C1QTNF2: variants seen among roughly 807,000 people sequenced by gnomAD.
The protein encoded by C1QTNF2 is C1q and TNF related 2.
Under a neutral mutation model 17.4 loss-of-function variants are expected in C1QTNF2, and 15 were observed. That is an observed-to-expected ratio of 0.86 (90% CI 0.58 to 1.33). The LOEUF is 1.33. Ranked by LOEUF, C1QTNF2 falls within the 40% of genes most tolerant of loss-of-function variation. The pLI, the probability that C1QTNF2 is intolerant of heterozygous loss-of-function variation, is 0.00. For synonymous variants in C1QTNF2, 154 were observed against 163.3 expected (o/e 0.94, Z 0.44); for missense variants, 381 against 392.3 (o/e 0.97, Z 0.24).
Position 160,357,769 on chromosome 5 carries a change from G to A in C1QTNF2, c.-9-2749C>T, listed in dbSNP as rs1303577569. Among the ~76,000 whole-genome samples, 6 of 151,818 alleles carry A rather than the reference G, an allele frequency of 4.0e-5. No homozygotes were observed. The East Asian group carries it at 9.7e-4, about 24-fold the overall frequency. ...AGGCAGAAAAGAGAGCCAGCCGGAC[G>A]AGAGAGAGGGAGAGAGACTGGCAGA... On this transcript the variant is annotated intron_variant, in intron 1 of 2. Transcript: ENST00000652664.
intron 2 of C1QTNF2, among the ~76,000 whole-genome samples, chr5:160,350,450 T>C (rs1321073281): frequency 6.6e-6 from 1 of 152,134 alleles, no homozygotes. Context: ...GCGTCTATAA[T>C]CCCAGCACTT....
chr5:160,359,085 G>C (rs761738484), intron 1 of C1QTNF2, among the ~76,000 whole-genome samples: 1 of 152,014 alleles, frequency 6.6e-6, no homozygotes, highest in Non-Finnish European at 1.5e-5. Flanking sequence ...CTGCTGCATT[G>C]TTTTATACAA....
At chr5:160,369,342 C>T (rs900988012) in intron 1 of C1QTNF2, among the ~76,000 whole-genome samples, 1 of 152,140 alleles carries the variant, frequency 6.6e-6, no homozygotes, top group Non-Finnish European at 1.5e-5. Context: ...AGAAGTCAGA[C>T]ATTTGGGAGG....
At chr5:160,353,793 T>TC in intron 2 of C1QTNF2, among the ~76,000 whole-genome samples, 1 of 36,022 alleles carries the variant, frequency 2.8e-5, no homozygotes, top group East Asian at 6.3e-4. Flanking sequence ...TCAGGCTTTT[T>TC]TTTTTTTTTT....
rs552818391 is a variant in C1QTNF2 at position 160,365,586 on chromosome 5, T to C, written c.-10+4926A>G. Among the ~76,000 whole-genome samples the C allele has an allele frequency of 4.1e-4, 63 of 152,008 alleles. 1 individual carries two copies. The South Asian group carries it at 0.013, about 32-fold the overall frequency. On this transcript the variant is annotated intron_variant, in intron 1 of 2. Transcript: ENST00000652664. ...TCCCCCCACCTCACCCCGCCATCTC[T>C]ACAAAGAAAAAAAAATCAGATACAG...
In C1QTNF2 at chr5:160,349,825, C is replaced by G. The variant is rs1430240522; in HGVS notation, c.245-44G>C. 6.6e-7 allele frequency: 1 copy of G among 1,505,072 alleles called. No homozygotes were observed. The highest frequency in any genetic ancestry group is 1.3e-5 in the South Asian group (1 of 74,902). 93.2% of individuals were successfully genotyped at this position (1,505,072 alleles called of 1,614,324 possible). ...GGTGTTATGGAGGGTCCTCACAGAC[C>G]TAGGCAGAGGGGTGCGGTGCGGCTT... On this transcript the variant is annotated intron_variant, in intron 2 of 2. Transcript: ENST00000652664. The surrounding 1 kb of genome is among the most constrained non-coding windows in gnomAD (Gnocchi z 4.3).
intron 1 of C1QTNF2, among the ~76,000 whole-genome samples, chr5:160,355,637 T>C (rs1401568841): frequency 6.6e-6 from 1 of 152,174 alleles, no homozygotes; most frequent in Non-Finnish European, 1.5e-5. Flanking sequence ...CACAATACCC[T>C]TATAGAATAG....
Position 160,354,972 on chromosome 5 carries a change from C to T in C1QTNF2, c.40G>A (p.Ala14Thr), listed in dbSNP as rs1764019551. ...AAGGCGCCAAGCAGTGGGTCAGCAGCACAGGGGAGGGCACAGGCCAGGAGC... is the reference window on the plus strand; with the variant it reads ...AAGGCGCCAAGCAGTGGGTCAGCAGTACAGGGGAGGGCACAGGCCAGGAGC... ...WVLLACALPC[A>T]ADPLLGAFAR... Residue 14 changes from alanine (A) to threonine (T), a missense_variant, in exon 2 of 3, where the codon GCT (alanine) becomes ACT (threonine). Ala to Thr is a moderately conservative substitution (Grantham distance 58). Transcript: ENST00000652664. 2.5e-6 allele frequency: 4 copies of T among 1,591,352 alleles called. No homozygotes were observed. The South Asian group carries it at 4.6e-5, about 18-fold the overall frequency.
chr5:160,367,693 C>T (rs891331185), intron 1 of C1QTNF2, among the ~76,000 whole-genome samples: 1 of 152,140 alleles, frequency 6.6e-6, no homozygotes, highest in Non-Finnish European at 1.5e-5. Flanking sequence ...TTGCAGCTCC[C>T]CAGTCTGTGG....
intron 2 of C1QTNF2, among the ~76,000 whole-genome samples, 171 bp downstream of exon 2, chr5:160,354,597 A>AAAAT (rs769774870): frequency 2.2e-5 from 2 of 89,306 alleles, no homozygotes; most frequent in African/African-American, 9.7e-5. Flanking sequence ...AAAAAAAAAA[A>AAAAT]GTATATATAT....
intron 1 of C1QTNF2, among the ~76,000 whole-genome samples, chr5:160,363,298 C>A (rs763119408): frequency 3.9e-5 from 6 of 152,208 alleles, no homozygotes; most frequent in Admixed American, 6.5e-5. Context: ...GGCTGGCTGC[C>A]GCTCCTCACA....
At position 160,354,903 on chromosome 5, in the gene C1QTNF2, T is replaced by G. The variant is rs537737894; in HGVS notation, c.109A>C (p.Ser37Arg). ...FRKGSPQLVC[S>R]LPGPQGPPGP... ...GGTGGGCCCTGGGGGCCAGGCAGGCTGCAGACCAGTTGAGGGGAGCCTTTC... is the reference window on the plus strand; with the variant it reads ...GGTGGGCCCTGGGGGCCAGGCAGGCGGCAGACCAGTTGAGGGGAGCCTTTC... The change falls in exon 2 of 3, where the codon AGC becomes CGC. Residue 37 changes from serine to arginine, a missense_variant. Coordinates refer to ENST00000652664, the MANE Select transcript of C1QTNF2 (RefSeq NM_031908.6). 1.9e-6 allele frequency: 3 copies of G among 1,603,086 alleles called. No homozygotes were observed. Among genetic ancestry groups the G allele is most frequent in the South Asian group, 2.2e-5 (2 of 89,194 alleles).
At chr5:160,354,597 A>ATATATATATATATATAT (rs769774870) in intron 2 of C1QTNF2, among the ~76,000 whole-genome samples, 171 bp downstream of exon 2, 9 of 89,304 alleles carry the variant, frequency 1.0e-4, no homozygotes, top group African/African-American at 2.9e-4. Context: ...AAAAAAAAAA[A>ATATATATATATATATAT]GTATATATAT....
intron 1 of C1QTNF2, among the ~76,000 whole-genome samples, chr5:160,357,370 C>T (rs1764070572): frequency 1.3e-5 from 2 of 152,198 alleles, no homozygotes. Context: ...GATTGTATTT[C>T]TGATGTCACA....
chr5:160,350,357 C>A (rs1036419924), intron 2 of C1QTNF2, among the ~76,000 whole-genome samples: 1 of 152,094 alleles, frequency 6.6e-6, no homozygotes, highest in South Asian at 2.1e-4. Flanking sequence ...CTCTATGAAA[C>A]CTTCTCTAAC....
chr5:160,366,128 C>T (rs1415011800), intron 1 of C1QTNF2, among the ~76,000 whole-genome samples: 1 of 152,142 alleles, frequency 6.6e-6, no homozygotes, highest in Non-Finnish European at 1.5e-5. Flanking sequence ...CCTTGAGTCC[C>T]CAAAGTCCAT....
chr5:160,349,866 G>A lies in C1QTNF2; in HGVS notation c.245-85C>T. Reference sequence around the variant, plus strand: ...GGTGCGGCTTGGTCTTCCAATCTTGGAGAAGGAGTGCTTGGGTAATAGAAA... The same window carrying A: ...GGTGCGGCTTGGTCTTCCAATCTTGAAGAAGGAGTGCTTGGGTAATAGAAA... On this transcript the variant is annotated intron_variant, in intron 2 of 2. Transcript: ENST00000652664. This position sits in a 1 kb window ranked among gnomAD's most constrained non-coding sequence, Gnocchi z 4.3. The A allele has an allele frequency of 4.9e-6, 7 of 1,430,810 alleles. No individual in the cohort carries two copies. The South Asian group carries it at 1.0e-4, about 21-fold the overall frequency. 88.6% of individuals were successfully genotyped at this position (1,430,810 alleles called of 1,614,324 possible).
rs1561830524 is a variant in C1QTNF2 at position 160,370,615 on chromosome 5, G to C, written c.-113C>G. The C allele has an allele frequency of 1.4e-6, 2 of 1,445,824 alleles. No individual in the cohort carries two copies. Among genetic ancestry groups the C allele is most frequent in the East Asian group, 2.8e-5 (1 of 36,186 alleles). 89.6% of individuals were successfully genotyped at this position (1,445,824 alleles called of 1,614,324 possible). A position where few individuals can be genotyped will look rare whatever the true frequency, so the allele number is the denominator to read the frequency against. On this transcript the variant is annotated 5_prime_UTR_variant, in exon 1 of 3. Transcript: ENST00000652664. ...AGCGGCAGCAGCCGGGCAGAGCGTC[G>C]GCCCCAGGCATAGTTTTCCCATCCC...
chr5:160,362,122 A>G (rs1012525368), intron 1 of C1QTNF2, among the ~76,000 whole-genome samples: 1 of 152,156 alleles, frequency 6.6e-6, no homozygotes, highest in African/African-American at 2.4e-5. Context: ...ATAGGAGAAA[A>G]ATCCCAGGCA....
Sources: allele counts gnomAD v4.1 joint callset (sites outside exome capture counted in the v4.1 genomes callset), GRCh38; gene constraint gnomAD v4.1.1; non-coding constraint Gnocchi (gnomAD v3.1); transcripts MANE v1.5; gene names NCBI Gene and HGNC (gene_info 2026-07-23, HGNC 2026-07-21).